The following NAV2 variants were observed in gnomAD, a reference collection of about 807,000 sequenced individuals.
The protein encoded by NAV2 is helicase, APC down-regulated 1.
In NAV2, 54 loss-of-function variants were observed where a neutral mutation model predicts 223.2. The ratio of observed to expected loss-of-function variants is 0.24; its 90% CI spans 0.19 to 0.30. The LOEUF is 0.30. Ranked by LOEUF, NAV2 falls within the 10% of genes least tolerant of loss-of-function variation. The probability of loss-of-function intolerance (pLI) is 1.00; values close to 1 mark genes in which losing one functional copy is unlikely to be tolerated. For synonymous variants in NAV2, 1,279 were observed against 1,239.3 expected, an observed-to-expected ratio of 1.03 and a Z score of -0.67; for missense variants, 2,806 against 3,147.5, an observed-to-expected ratio of 0.89 and a Z score of 2.60.
intron 1 of NAV2, among the ~76,000 whole-genome samples, chr11:19,766,822 C>T (rs973283564): frequency 6.6e-6 from 1 of 152,152 alleles, no homozygotes; most frequent in Non-Finnish European, 1.5e-5. Context: ...TTGCTATAGT[C>T]CAGAGGCCTC....
At chr11:19,663,867 T>C (rs1010890223) in intron 1 of NAV2, among the ~76,000 whole-genome samples, 9 of 152,216 alleles carry the variant, frequency 5.9e-5, no homozygotes, top group Admixed American at 2.6e-4. Context: ...CATTTTCTAA[T>C]ACATGTTTTC....
intron 1 of NAV2, among the ~76,000 whole-genome samples, chr11:19,670,051 G>T (rs565115299): frequency 6.6e-6 from 1 of 152,102 alleles, no homozygotes; most frequent in Admixed American, 6.5e-5. Context: ...CATGGACTCC[G>T]GCCTCTCCTT....
intron 1 of NAV2, among the ~76,000 whole-genome samples, chr11:19,788,471 C>A (rs1194443705): frequency 6.6e-6 from 1 of 152,194 alleles, no homozygotes; most frequent in Non-Finnish European, 1.5e-5. Context: ...TAAAGTCCAA[C>A]AACTTCTCAT....
intron 1 of NAV2, among the ~76,000 whole-genome samples, chr11:19,805,992 C>T (rs924487360): frequency 3.3e-5 from 5 of 152,210 alleles, no homozygotes; most frequent in Admixed American, 6.5e-5. Context: ...TGGAATTTCA[C>T]TACAGAGGTT....
rs1324437180 is a variant in NAV2, at chr11:19,895,953, CG to C, written c.931+3363del. Among the ~76,000 whole-genome samples, 3 of 152,042 alleles carry C rather than the reference CG, an allele frequency of 2.0e-5. No individual in the cohort carries two copies. In the East Asian group the frequency reaches 5.8e-4, roughly 29 times the overall value. ...TTGTCCTTCACCTTGAGTTCTGTCT[CG>C]GGGAGGGACGCTCTTGTGAACAGAT... On this transcript the variant is annotated intron_variant, in intron 6 of 37. Transcript: ENST00000349880.
At chr11:19,965,040 A>T (rs921161849) in intron 10 of NAV2, among the ~76,000 whole-genome samples, 1 of 151,774 alleles carries the variant, frequency 6.6e-6, no homozygotes, top group African/African-American at 2.4e-5. Flanking sequence ...GCTGGTCTGG[A>T]ACTCCTGACC....
chr11:19,737,474 G>A (rs2052431378), intron 1 of NAV2, among the ~76,000 whole-genome samples: 1 of 152,212 alleles, frequency 6.6e-6, no homozygotes, highest in African/African-American at 2.4e-5. Flanking sequence ...GATGGGGAAA[G>A]GGCCCAGCTG....
intron 1 of NAV2, among the ~76,000 whole-genome samples, chr11:19,546,053 T>C (rs540319428): frequency 6.6e-6 from 1 of 152,334 alleles, no homozygotes; most frequent in South Asian, 2.1e-4. Flanking sequence ...TTCCCTCAGA[T>C]GCTTCCAGGG....
chr11:20,029,900 A>G (rs531130966), intron 11 of NAV2, among the ~76,000 whole-genome samples: 1 of 152,236 alleles, frequency 6.6e-6, no homozygotes, highest in Non-Finnish European at 1.5e-5. Context: ...CATAGCTGTG[A>G]TCTGGTTAGG....
chr11:20,049,416 C>T (rs1461838840), intron 15 of NAV2: 2 of 558,538 alleles, frequency 3.6e-6, no homozygotes, highest in Admixed American at 3.4e-5. Context: ...CTTGGAGCTG[C>T]TCAGTCTCTC....
At chr11:19,604,985 G>T (rs1261825558) in intron 1 of NAV2, among the ~76,000 whole-genome samples, 1 of 152,138 alleles carries the variant, frequency 6.6e-6, no homozygotes, top group African/African-American at 2.4e-5. Flanking sequence ...ATGTGGAACT[G>T]TAAGTCCATT....
intron 1 of NAV2, among the ~76,000 whole-genome samples, chr11:19,615,810 A>G (rs979678915): frequency 1.3e-5 from 2 of 152,152 alleles, no homozygotes; most frequent in Non-Finnish European, 2.9e-5. Context: ...TCAAATTCTC[A>G]TTACACTGAA....
intron 1 of NAV2, among the ~76,000 whole-genome samples, chr11:19,584,085 C>A (rs1279620361): frequency 2.6e-5 from 4 of 152,190 alleles, no homozygotes; most frequent in Non-Finnish European, 5.9e-5. Context: ...AGAGATTCAA[C>A]TTCTTCCTGG....
At chr11:19,812,202 T>C (rs1284246654) in intron 1 of NAV2, among the ~76,000 whole-genome samples, 1 of 152,026 alleles carries the variant, frequency 6.6e-6, no homozygotes, top group Non-Finnish European at 1.5e-5. Flanking sequence ...ATAATCTGCA[T>C]TTATGATGAG....
At chr11:20,074,033 G>A (rs747596837) in intron 22 of NAV2, among the ~76,000 whole-genome samples, 3 of 151,982 alleles carry the variant, frequency 2.0e-5, no homozygotes, top group African/African-American at 4.8e-5. Context: ...TCAGGGTGTC[G>A]ATTTTAGATC....
At chr11:19,419,696 G>A (rs1418211018) in intron 1 of NAV2, among the ~76,000 whole-genome samples, 1 of 152,190 alleles carries the variant, frequency 6.6e-6, no homozygotes, top group South Asian at 2.1e-4. Flanking sequence ...AAACAAACCA[G>A]TCCACCATAA....
At chr11:19,994,444 G>T (rs546527402) in intron 11 of NAV2, among the ~76,000 whole-genome samples, 129 of 152,202 alleles carry the variant, frequency 8.5e-4, no homozygotes, top group African/African-American at 3.0e-3. Context: ...CTGCGCAGCA[G>T]GCTGAGACAG....
intron 31 of NAV2, among the ~76,000 whole-genome samples, chr11:20,099,255 G>A (rs1484534204): frequency 1.3e-5 from 2 of 152,166 alleles, no homozygotes; most frequent in Non-Finnish European, 2.9e-5. Context: ...GAAGCAGGAA[G>A]GAGTATCAGA....
chr11:19,375,054 T>C (rs1009858391), intron 1 of NAV2, among the ~76,000 whole-genome samples: 2 of 152,240 alleles, frequency 1.3e-5, no homozygotes, highest in Non-Finnish European at 2.9e-5. Context: ...TCCTTCTCTC[T>C]AGGCACATTG....
Sources: allele counts gnomAD v4.1 joint callset (sites outside exome capture counted in the v4.1 genomes callset), GRCh38; gene constraint gnomAD v4.1.1; transcripts MANE v1.5; gene names NCBI Gene and HGNC (gene_info 2026-07-23, HGNC 2026-07-21).